The following NUDC variants were observed in gnomAD, a reference collection of about 807,000 sequenced individuals.
The protein encoded by NUDC is nuclear distribution C, dynein complex regulator.
A neutral mutation model predicts 45.0 loss-of-function variants in NUDC; 14 were observed. The ratio of observed to expected loss-of-function variants is 0.31; its 90% CI spans 0.21 to 0.49. The LOEUF is 0.49. Ranked by LOEUF, NUDC falls within the 20% of genes least tolerant of loss-of-function variation. The pLI, the probability that NUDC is intolerant of heterozygous loss-of-function variation, is 0.99. For missense variants in NUDC, 323 were observed against 426.2 expected (o/e 0.76, Z 2.13); for synonymous variants, 153 against 156.7 (o/e 0.98, Z 0.17).
chr1:26,942,247 C>T (rs190756950), intron 4 of NUDC, among the ~76,000 whole-genome samples: 5 of 152,202 alleles, frequency 3.3e-5, no homozygotes, highest in Middle Eastern at 3.4e-3. Flanking sequence ...GCCGAGATCA[C>T]GCCACTGCAC....
At chr1:26,907,314 G>A (rs752794399) in intron 2 of NUDC, among the ~76,000 whole-genome samples, 1 of 152,164 alleles carries the variant, frequency 6.6e-6, no homozygotes, top group African/African-American at 2.4e-5. Context: ...GTTGCCTGTT[G>A]TATGTACCCC....
In NUDC at chr1:26,942,276, G is replaced by GC. The variant is rs1230976376; in HGVS notation, c.430-383dup. ...ACTGCACTCCAGCCTGGGCGACAGAGCAAGACTCCGTCCCAAAAAAATAAA... is the reference window on the plus strand; with the variant it reads ...ACTGCACTCCAGCCTGGGCGACAGAGCCAAGACTCCGTCCCAAAAAAATAAA... On this transcript the variant is annotated intron_variant, in intron 4 of 8. Coordinates refer to ENST00000321265, the MANE Select transcript of NUDC (RefSeq NM_006600.4). 2.6e-5 allele frequency among the ~76,000 whole-genome samples: 4 copies of GC among 152,122 alleles called. No homozygotes were observed. The East Asian group carries it at 7.7e-4, about 29-fold the overall frequency.
intron 6 of NUDC, among the ~76,000 whole-genome samples, chr1:26,943,921 A>G (rs988917425): frequency 1.4e-4 from 22 of 152,322 alleles, no homozygotes; most frequent in Non-Finnish European, 1.2e-4. Context: ...TTTGTCGCCC[A>G]GGCTGGAGTG....
chr1:26,913,154 C>T (rs780487361), intron 3 of NUDC, among the ~76,000 whole-genome samples: 19 of 152,146 alleles, frequency 1.2e-4, no homozygotes, highest in Admixed American at 2.6e-4. Flanking sequence ...GGAGTGGTGG[C>T]GGCCATCTGT....
intron 3 of NUDC, chr1:26,911,774 T>C (rs1007778864): frequency 3.8e-5 from 61 of 1,604,364 alleles, no homozygotes; most frequent in Non-Finnish European, 5.2e-5. Context: ...TTGGGTCACC[T>C]CTGGGGATGG....
chr1:26,945,703 CGG>C lies in NUDC; in HGVS notation c.944+20_944+21del, dbSNP rs2082312586. 8.8e-6 allele frequency: 14 copies of C among 1,595,168 alleles called. No homozygotes were observed. The highest frequency in any genetic ancestry group is 1.2e-5 in the Non-Finnish European group (14 of 1,163,528). Reference sequence around the variant, plus strand: ...TCTGAAGAAGTGAGCAATTCAGAGACGGGGTTGGGGGACCGTGGGTGCCTGGG... The same window carrying C: ...TCTGAAGAAGTGAGCAATTCAGAGACGGTTGGGGGACCGTGGGTGCCTGGG... On this transcript the variant is annotated intron_variant, in intron 8 of 8. Coordinates refer to ENST00000321265, the MANE Select transcript of NUDC (RefSeq NM_006600.4).
At position 26,921,861 on chromosome 1, in the gene NUDC, C is replaced by G; in HGVS notation, c.13C>G (p.Gln5Glu). Reference sequence around the variant, plus strand: ...CGGAGCCGGCGCGATGGGCGGAGAGCAGGAGGAGGAGCGGTTCGACGGCAT... The same window carrying G: ...CGGAGCCGGCGCGATGGGCGGAGAGGAGGAGGAGGAGCGGTTCGACGGCAT... MGGEQEEERFDGMLL... is the reference protein window; with the variant it reads MGGEEEEERFDGMLL... Residue 5 changes from glutamine (Q) to glutamate (E), a missense_variant, in exon 1 of 9, where the codon CAG becomes GAG. Gln to Glu is a conservative substitution (Grantham distance 29). Around this residue, in one of 3 missense-constraint regions of NUDC, gnomAD observed 24 missense variants for 47.2 expected, o/e 0.51. Transcript: ENST00000321265. 3 of 1,553,740 alleles carry G rather than the reference C, an allele frequency of 1.9e-6. No individual in the cohort carries two copies. Among genetic ancestry groups the G allele is most frequent in the Non-Finnish European group, 1.7e-6 (2 of 1,148,694 alleles).
At chr1:26,910,515 C>T (rs1032114371) in intron 2 of NUDC, among the ~76,000 whole-genome samples, 9 of 152,134 alleles carry the variant, frequency 5.9e-5, no homozygotes, top group Non-Finnish European at 7.3e-5. Flanking sequence ...TGAATGATGA[C>T]GCCTAGACTG....
chr1:26,931,614 AC>A (rs1218336755), intron 2 of NUDC, among the ~76,000 whole-genome samples: 2 of 149,476 alleles, frequency 1.3e-5, no homozygotes, highest in Non-Finnish European at 3.0e-5. Context: ...CCCTGTCTCT[AC>A]TAAAAATACA....
chr1:26,922,054 C>CA, intron 1 of NUDC, 125 bp downstream of exon 1: 1 of 984,360 alleles, frequency 1.0e-6, no homozygotes, highest in Non-Finnish European at 1.5e-6. Flanking sequence ...CCTACATTCT[C>CA]ACTGCGCCCA....
At chr1:26,922,045 C>A in intron 1 of NUDC, 116 bp downstream of exon 1, 1 of 1,075,930 alleles carries the variant, frequency 9.3e-7, no homozygotes, top group Non-Finnish European at 1.4e-6. Flanking sequence ...TGGGATGCCC[C>A]TACATTCTCA....
intron 2 of NUDC, among the ~76,000 whole-genome samples, chr1:26,934,932 C>T (rs745727719): frequency 2.0e-5 from 3 of 151,858 alleles, no homozygotes; most frequent in Non-Finnish European, 4.4e-5. Context: ...GCTGGGATTA[C>T]AGGCGTGAAC....
intron 4 of NUDC, among the ~76,000 whole-genome samples, chr1:26,942,261 A>T (rs2082283837): frequency 6.6e-6 from 1 of 152,214 alleles, no homozygotes; most frequent in Non-Finnish European, 1.5e-5. Context: ...ACTGCACTCC[A>T]GCCTGGGCGA....
chr1:26,924,060 A>C (rs775991368), intron 1 of NUDC, 29 bp from the exon 2 acceptor site: 2 of 1,608,240 alleles, frequency 1.2e-6, no homozygotes, highest in African/African-American at 2.7e-5. Flanking sequence ...ATGCAGCTCT[A>C]CTACTTTAAT....
At chr1:26,927,421 G>A (rs1009260774) in intron 2 of NUDC, among the ~76,000 whole-genome samples, 2 of 145,942 alleles carry the variant, frequency 1.4e-5, no homozygotes, top group East Asian at 2.0e-4. Flanking sequence ...TTTTTGAGAC[G>A]GAGTCTTGCT....
At chr1:26,922,619 A>G (rs2082100799) in intron 1 of NUDC, 1 of 152,730 alleles carries the variant, frequency 6.5e-6, no homozygotes, top group Non-Finnish European at 1.5e-5. Context: ...GAACAAACAC[A>G]AAGTTAACGG....
intron 1 of NUDC, among the ~76,000 whole-genome samples, chr1:26,901,847 C>A (rs565893273): frequency 6.6e-6 from 1 of 152,188 alleles, no homozygotes; most frequent in Non-Finnish European, 1.5e-5. Context: ...AATAAAGGGC[C>A]AAGCTCAGTG....
At chr1:26,935,134 A>G (rs2082217666) in intron 2 of NUDC, among the ~76,000 whole-genome samples, 1 of 151,826 alleles carries the variant, frequency 6.6e-6, no homozygotes, top group African/African-American at 2.4e-5. Context: ...GGTGCCTGCC[A>G]CCACGCCTGG....
In NUDC at chr1:26,911,269, G is replaced by A. The variant is rs758335207; in HGVS notation, c.93+34G>A. ...GCGCCTGAAGTGGGTAGGAGCCAGG[G>A]GAGCGGTTAGTGAAGGGTTTGGGAA... is the stretch of plus-strand genomic sequence containing the variant. On this transcript the variant is annotated intron_variant, in intron 3 of 6. Coordinates refer to the NUDC transcript ENST00000435827. 1.3e-4 allele frequency: 57 copies of A among 429,460 alleles called. 1 individual carries two copies. Among genetic ancestry groups the A allele is most frequent in the South Asian group, 9.8e-4 (55 of 56,360 alleles). The allele number at this position is 429,460 out of a possible 1,614,324, so 26.6% of individuals were successfully genotyped here. A position where few individuals can be genotyped will look rare whatever the true frequency, so the allele number is the denominator to read the frequency against.
Sources: gnomAD v4.1 joint callset for allele counts (sites outside exome capture counted in the v4.1 genomes callset) on GRCh38, gnomAD v4.1.1 for gene constraint, gnomAD v4.1.1 regional missense constraint, MANE v1.5 for transcripts, NCBI Gene and HGNC (gene_info 2026-07-23, HGNC 2026-07-21) for gene names.